DAB1: variants seen among roughly 807,000 people sequenced by gnomAD.
DAB1 encodes disabled homolog 1.
Under a neutral mutation model 64.6 loss-of-function variants are expected in DAB1, and 15 were observed. That is an observed-to-expected ratio of 0.23 (90% confidence interval 0.16 to 0.36). DAB1 has a LOEUF of 0.36. Ranked by LOEUF, DAB1 falls within the 10% of genes least tolerant of loss-of-function variation. The probability of loss-of-function intolerance (pLI) is 1.00; values close to 1 mark genes in which losing one functional copy is unlikely to be tolerated. For synonymous variants in DAB1, 235 were observed against 251.9 expected, an observed-to-expected ratio of 0.93 and a Z score of 0.64; for missense variants, 596 against 706.7, an observed-to-expected ratio of 0.84 and a Z score of 1.78.
chr1:57,707,410 T>C (rs567547707), intron 6 of DAB1, among the ~76,000 whole-genome samples: 37 of 152,208 alleles, frequency 2.4e-4, no homozygotes, highest in Non-Finnish European at 4.3e-4. Flanking sequence ...TGCAATTTCT[T>C]AAACCATTCA....
chr1:57,840,220 A>G (rs1652988342), intron 1 of DAB1, among the ~76,000 whole-genome samples: 1 of 152,212 alleles, frequency 6.6e-6, no homozygotes, highest in Non-Finnish European at 1.5e-5. Flanking sequence ...GTCTGGTGGG[A>G]GAGGTAAACA....
chr1:58,126,432 G>C (rs1653086580), intron 5 of DAB1, among the ~76,000 whole-genome samples: 1 of 149,440 alleles, frequency 6.7e-6, no homozygotes, highest in Non-Finnish European at 1.5e-5. Flanking sequence ...TCATTCAGAA[G>C]GGGCCAATCT....
intron 7 of DAB1, among the ~76,000 whole-genome samples, chr1:57,574,692 T>A (rs1314068971): frequency 3.3e-5 from 5 of 152,054 alleles, no homozygotes; most frequent in Non-Finnish European, 7.4e-5. Context: ...CAGGCAGATA[T>A]CTAGACTAGA....
At chr1:57,612,899 A>T (rs1294580091) in intron 7 of DAB1, among the ~76,000 whole-genome samples, 2 of 152,142 alleles carry the variant, frequency 1.3e-5, no homozygotes, top group Non-Finnish European at 2.9e-5. Flanking sequence ...GCATCAGTGA[A>T]TGAAACCATG....
intron 1 of DAB1, among the ~76,000 whole-genome samples, chr1:57,843,357 T>A (rs1410217297): frequency 1.3e-5 from 2 of 152,216 alleles, no homozygotes; most frequent in Non-Finnish European, 2.9e-5. Flanking sequence ...AAGTTTGAAT[T>A]CTTCTTTGGT....
At chr1:58,396,488 AAC>A (rs1644523419) in intron 3 of DAB1, among the ~76,000 whole-genome samples, 1 of 152,060 alleles carries the variant, frequency 6.6e-6, no homozygotes, top group South Asian at 2.1e-4. Context: ...AGAGAAAGAA[AAC>A]ACAGAGGTGT....
chr1:58,201,166 G>A (rs941168187), intron 4 of DAB1, among the ~76,000 whole-genome samples: 7 of 151,846 alleles, frequency 4.6e-5, no homozygotes, highest in Non-Finnish European at 8.8e-5. Flanking sequence ...ACAGGTGCCC[G>A]CCACCACACC....
intron 5 of DAB1, among the ~76,000 whole-genome samples, chr1:58,090,337 C>T (rs1448485233): frequency 6.6e-6 from 1 of 152,102 alleles, no homozygotes; most frequent in East Asian, 1.9e-4. Context: ...CTGTGCTAGT[C>T]ATTGGAGGGA....
intron 4 of DAB1, among the ~76,000 whole-genome samples, chr1:58,200,248 G>A (rs2100260965): frequency 6.6e-6 from 1 of 152,044 alleles, no homozygotes; most frequent in East Asian, 1.9e-4. Flanking sequence ...AAGCACTTAA[G>A]GAACACCAAG....
intron 9 of DAB1, among the ~76,000 whole-genome samples, chr1:57,031,203 T>A (rs1646956531): frequency 6.6e-6 from 1 of 152,180 alleles, no homozygotes; most frequent in African/African-American, 2.4e-5. Context: ...AACCTTGAGT[T>A]AATTAAATTT....
intron 6 of DAB1, among the ~76,000 whole-genome samples, chr1:57,778,522 T>C (rs1649920705): frequency 6.6e-6 from 1 of 152,076 alleles, no homozygotes; most frequent in South Asian, 2.1e-4. Flanking sequence ...TTCTTAAATT[T>C]TTTCCCAGTT....
At chr1:57,907,110 A>G (rs1013144829) in intron 5 of DAB1, among the ~76,000 whole-genome samples, 1 of 152,192 alleles carries the variant, frequency 6.6e-6, no homozygotes, top group African/African-American at 2.4e-5. Context: ...AATTAAGCAA[A>G]AACACAACTG....
At chr1:58,378,829 G>A (rs1217470579) in intron 3 of DAB1, among the ~76,000 whole-genome samples, 79 of 98,424 alleles carry the variant, frequency 8.0e-4, no homozygotes, top group African/African-American at 1.5e-3. Flanking sequence ...AGCAATCAGC[G>A]AGATTCCGTG....
At chr1:58,010,102 T>C (rs1242467447) in intron 5 of DAB1, among the ~76,000 whole-genome samples, 1 of 152,178 alleles carries the variant, frequency 6.6e-6, no homozygotes, top group Non-Finnish European at 1.5e-5. Context: ...TATCCAATGC[T>C]GCACTCTGCT....
chr1:58,229,668 T>C (rs1170908553), intron 4 of DAB1, among the ~76,000 whole-genome samples: 1 of 152,082 alleles, frequency 6.6e-6, no homozygotes, highest in Non-Finnish European at 1.5e-5. Flanking sequence ...AGAACGTACT[T>C]GCAGAGGGGT....
At chr1:57,850,195 G>A (rs1653455856) in intron 1 of DAB1, among the ~76,000 whole-genome samples, 1 of 152,146 alleles carries the variant, frequency 6.6e-6, no homozygotes, top group African/African-American at 2.4e-5. Flanking sequence ...AAAGAATGTA[G>A]GCTTGGAACA....
chr1:58,061,074 G>A (rs2025616), intron 5 of DAB1, among the ~76,000 whole-genome samples: 109,990 of 152,086 alleles, frequency 0.72, 41,998 homozygotes, highest in Non-Finnish European at 0.85. Context: ...GACAGAGGAT[G>A]CTCAGGTCTG....
intron 5 of DAB1, among the ~76,000 whole-genome samples, chr1:58,128,818 T>C (rs1375122244): frequency 6.8e-6 from 1 of 147,280 alleles, no homozygotes; most frequent in Non-Finnish European, 1.5e-5. Context: ...CACTTGATCA[T>C]GGTGGATAAG....
chr1:57,350,333 G>A (rs538673315), intron 1 of DAB1, among the ~76,000 whole-genome samples: 1 of 152,254 alleles, frequency 6.6e-6, no homozygotes, highest in African/African-American at 2.4e-5. Context: ...ACACATACCT[G>A]TTTGACTCCT....
Sources: allele counts gnomAD v4.1 joint callset (sites outside exome capture counted in the v4.1 genomes callset), GRCh38; gene constraint gnomAD v4.1.1; transcripts MANE v1.5; gene names NCBI Gene and HGNC (gene_info 2026-07-23, HGNC 2026-07-21).